Variants in MKLN1 observed in about 807,000 individuals in gnomAD.
MKLN1 encodes muskelin.
A neutral mutation model predicts 99.0 loss-of-function variants in MKLN1; 18 were observed. The observed-to-expected ratio is 0.18, with a 90% CI of 0.13 to 0.27. MKLN1 has a LOEUF of 0.27. MKLN1 is among the 10% of genes least tolerant of loss of function. The probability of loss-of-function intolerance (pLI) is 1.00; values close to 1 mark genes in which losing one functional copy is unlikely to be tolerated. For synonymous variants in MKLN1, 288 were observed against 293.2 expected (o/e 0.98, Z 0.18); for missense variants, 621 against 875.9 (o/e 0.71, Z 3.67).
At position 131,375,337 on chromosome 7, in the gene MKLN1, C is replaced by G. The variant is rs1793608687; in HGVS notation, c.99-87C>G. 6.8e-5 allele frequency: 57 copies of G among 839,190 alleles called. 1 individual carries two copies. The South Asian group carries it at 7.9e-4, about 12-fold the overall frequency. The allele number at this position is 839,190 out of a possible 1,614,324, so 52.0% of individuals were successfully genotyped here. A position where few individuals can be genotyped will look rare whatever the true frequency, so the allele number is the denominator to read the frequency against. On this transcript the variant is annotated intron_variant, in intron 1 of 17. Coordinates refer to ENST00000352689, the MANE Select transcript of MKLN1 (RefSeq NM_013255.5). ...TATTCAAGTTCCAAACATTACATAA[C>G]TTTATGATAATTTCAGCATCTGGTA...
At chr7:131,256,770 A>G (rs1340311501) in intron 3 of MKLN1, among the ~76,000 whole-genome samples, 1 of 152,200 alleles carries the variant, frequency 6.6e-6, no homozygotes, top group East Asian at 1.9e-4. Context: ...AGACACAAAT[A>G]TGGAAATAAT....
intron 2 of MKLN1, among the ~76,000 whole-genome samples, chr7:131,171,105 G>A (rs1796208604): frequency 6.6e-6 from 1 of 152,134 alleles, no homozygotes; most frequent in African/African-American, 2.4e-5. Context: ...AGCCAATAGG[G>A]TTCCAAGGAT....
At chr7:131,292,115 GAAT>G (rs1195380061) in intron 3 of MKLN1, among the ~76,000 whole-genome samples, 2 of 152,088 alleles carry the variant, frequency 1.3e-5, no homozygotes, top group Non-Finnish European at 2.9e-5. Flanking sequence ...TCTAAAATAA[GAAT>G]AATATAGAGT....
rs559733457 is a variant in MKLN1, at chr7:131,146,224, C to T, written c.-297+3283C>T. Among the ~76,000 whole-genome samples, 119 of 152,256 alleles carry T rather than the reference C, an allele frequency of 7.8e-4. 3 individuals are homozygous for T. The South Asian group carries it at 0.024, about 30-fold the overall frequency. On this transcript the variant is annotated intron_variant, in intron 2 of 7. Transcript: ENST00000416992. ...GGGCATGGTGGTACACGCTTATAGTCCCAGATACTGGGGAGGCTGAGGCAG... is the reference window on the plus strand; with the variant it reads ...GGGCATGGTGGTACACGCTTATAGTTCCAGATACTGGGGAGGCTGAGGCAG...
At chr7:131,466,186 G>T in intron 14 of MKLN1, 90 bp from the exon 15 acceptor site, 3 of 857,354 alleles carry the variant, frequency 3.5e-6, no homozygotes, top group South Asian at 3.4e-5. Flanking sequence ...ATTTGAATGG[G>T]CTCAGGAAGT....
chr7:131,382,811 C>T (rs1793891557), intron 2 of MKLN1, among the ~76,000 whole-genome samples: 2 of 151,846 alleles, frequency 1.3e-5, no homozygotes. Flanking sequence ...GCAAGCTCCG[C>T]CCCATAGGTT....
At position 131,379,222 on chromosome 7, in the gene MKLN1, T is replaced by G. The variant is rs919750291; in HGVS notation, c.168+3729T>G. 3.2e-4 allele frequency among the ~76,000 whole-genome samples: 48 copies of G among 152,296 alleles called. No individual in the cohort carries two copies. In the Middle Eastern group the frequency reaches 0.014, roughly 43 times the overall value. On this transcript the variant is annotated intron_variant, in intron 2 of 17. Transcript: ENST00000352689. ...AAAATAGTTACCTTTATTCTAGGCC[T>G]CAGGCATTCTCCACAAATCATTATT...
chr7:131,393,386 C>G (rs1794263114), intron 4 of MKLN1, among the ~76,000 whole-genome samples: 1 of 152,188 alleles, frequency 6.6e-6, no homozygotes, highest in African/African-American at 2.4e-5. Context: ...GAGTGGACAT[C>G]ATTCTGCTCA....
chr7:131,158,692 T>C (rs1042187572), intron 2 of MKLN1, among the ~76,000 whole-genome samples: 2 of 152,216 alleles, frequency 1.3e-5, no homozygotes, highest in Non-Finnish European at 2.9e-5. Flanking sequence ...TTTTTCACTT[T>C]TCACCTTTAT....
intron 1 of MKLN1, among the ~76,000 whole-genome samples, chr7:131,139,970 G>A (rs1343265530): frequency 6.6e-6 from 1 of 152,190 alleles, no homozygotes; most frequent in Non-Finnish European, 1.5e-5. Flanking sequence ...CCTCTGAGGT[G>A]AGCCTAATGG....
In MKLN1 at chr7:131,271,942, C is replaced by G. The variant is rs575936502; in HGVS notation, c.-179+68968C>G. On this transcript the variant is annotated intron_variant, in intron 3 of 7. Coordinates refer to the MKLN1 transcript ENST00000416992. ...AAAAAAAATCAAAGATTTGTGCTGT[C>G]CTTGCACAGTATTACGTTTATGGAA... 2.0e-5 allele frequency among the ~76,000 whole-genome samples: 3 copies of G among 152,200 alleles called. No homozygotes were observed. In the South Asian group the frequency reaches 6.2e-4, roughly 32 times the overall value.
chr7:131,443,884 C>A (rs1387777690), intron 11 of MKLN1, among the ~76,000 whole-genome samples, 182 bp downstream of exon 11: 1 of 152,108 alleles, frequency 6.6e-6, no homozygotes, highest in Non-Finnish European at 1.5e-5. Flanking sequence ...CTGGTAATTC[C>A]TAAATAGTTA....
chr7:131,137,231 G>C (rs922624914), intron 1 of MKLN1, among the ~76,000 whole-genome samples: 8 of 152,146 alleles, frequency 5.3e-5, no homozygotes, highest in African/African-American at 1.9e-4. Flanking sequence ...TTGAATAGTT[G>C]CATGAAGGCT....
intron 3 of MKLN1, among the ~76,000 whole-genome samples, chr7:131,242,109 C>G (rs754500474): frequency 4.6e-5 from 7 of 152,208 alleles, no homozygotes; most frequent in Non-Finnish European, 1.0e-4. Context: ...TTAAATACAG[C>G]AAATCTGCTG....
At chr7:131,200,846 A>G (rs185242385) in intron 2 of MKLN1, among the ~76,000 whole-genome samples, 1 of 152,338 alleles carries the variant, frequency 6.6e-6, no homozygotes, top group East Asian at 1.9e-4. Context: ...TAAGAGTGGC[A>G]CTTAACTATT....
chr7:131,476,800 A>G (rs1796980244), intron 16 of MKLN1, among the ~76,000 whole-genome samples: 1 of 152,224 alleles, frequency 6.6e-6, no homozygotes, highest in African/African-American at 2.4e-5. Flanking sequence ...TGAAAAAAGA[A>G]AAAATTGGAA....
At chr7:131,272,743 G>A (rs1797905688) in intron 3 of MKLN1, among the ~76,000 whole-genome samples, 1 of 152,190 alleles carries the variant, frequency 6.6e-6, no homozygotes, top group South Asian at 2.1e-4. Flanking sequence ...AAATGAGGAA[G>A]AAGCAAAAGT....
At chr7:131,381,007 A>C (rs965773395) in intron 2 of MKLN1, among the ~76,000 whole-genome samples, 22 of 152,244 alleles carry the variant, frequency 1.4e-4, no homozygotes, top group African/African-American at 4.8e-4. Context: ...TCAGCTAATC[A>C]ATGTATAATC....
chr7:131,120,926 A>G (rs950729765), intron 1 of MKLN1, among the ~76,000 whole-genome samples: 6 of 152,136 alleles, frequency 3.9e-5, no homozygotes, highest in African/African-American at 1.4e-4. Flanking sequence ...TTATAGCAAT[A>G]CCCCAATTCT....
Sources: allele counts gnomAD v4.1 joint callset (sites outside exome capture counted in the v4.1 genomes callset), GRCh38; gene constraint gnomAD v4.1.1; transcripts MANE v1.5; gene names NCBI Gene and HGNC (gene_info 2026-07-23, HGNC 2026-07-21).